Variants in SNTG1 observed in about 807,000 individuals in gnomAD.
The protein encoded by SNTG1 is syntrophin gamma 1.
Under a neutral mutation model 74.7 loss-of-function variants are expected in SNTG1, and 39 were observed. The ratio of observed to expected loss-of-function variants is 0.52; its 90% CI spans 0.40 to 0.68. The LOEUF (loss-of-function observed/expected upper bound fraction) is 0.68, where lower values mean the gene tolerates loss of function less well. SNTG1 is among the 30% of genes least tolerant of loss of function. The probability of loss-of-function intolerance (pLI) is 0.00; values close to 1 mark genes in which losing one functional copy is unlikely to be tolerated. For synonymous variants in SNTG1, 254 were observed against 217.1 expected, an observed-to-expected ratio of 1.17 and a Z score of -1.49; for missense variants, 685 against 609.5, an observed-to-expected ratio of 1.12 and a Z score of -1.30.
At chr8:50,366,804 A>C in intron 2 of SNTG1, among the ~76,000 whole-genome samples, 1 of 145,950 alleles carries the variant, frequency 6.9e-6, no homozygotes, top group Non-Finnish European at 1.5e-5. Context: ...TACTATAATA[A>C]AATATATTAT....
chr8:50,154,436 C>A (rs957273194), intron 1 of SNTG1, among the ~76,000 whole-genome samples: 1 of 152,062 alleles, frequency 6.6e-6, no homozygotes, highest in African/African-American at 2.4e-5. Flanking sequence ...CATCCACTGT[C>A]CTACCCCCAC....
At chr8:50,487,807 G>T (rs2093811999) in intron 8 of SNTG1, among the ~76,000 whole-genome samples, 1 of 150,704 alleles carries the variant, frequency 6.6e-6, no homozygotes, top group Non-Finnish European at 1.5e-5. Flanking sequence ...TGCACAATGT[G>T]CACATGTACC....
intron 10 of SNTG1, among the ~76,000 whole-genome samples, chr8:50,533,919 T>C (rs1436976729): frequency 5.9e-5 from 9 of 152,196 alleles, no homozygotes; most frequent in Non-Finnish European, 1.2e-4. Flanking sequence ...TATTGGTGAT[T>C]AGTCAGTCCT....
At chr8:50,537,426 G>A (rs2094315743) in intron 11 of SNTG1, among the ~76,000 whole-genome samples, 1 of 152,104 alleles carries the variant, frequency 6.6e-6, no homozygotes, top group Admixed American at 6.6e-5. Flanking sequence ...TTTATTTTCT[G>A]CTTTTAATAT....
At chr8:49,992,652 T>C (rs535715459) in intron 1 of SNTG1, among the ~76,000 whole-genome samples, 3 of 152,294 alleles carry the variant, frequency 2.0e-5, no homozygotes, top group South Asian at 4.1e-4. Flanking sequence ...CCTTTCATGA[T>C]AGTGCCTACC....
intron 11 of SNTG1, among the ~76,000 whole-genome samples, chr8:50,547,554 C>T (rs1224264864): frequency 6.6e-6 from 1 of 152,042 alleles, no homozygotes; most frequent in Non-Finnish European, 1.5e-5. Context: ...TTCATTTCTC[C>T]AGTTTATTAT....
At chr8:50,491,759 G>T (rs890455135) in intron 8 of SNTG1, among the ~76,000 whole-genome samples, 1 of 152,022 alleles carries the variant, frequency 6.6e-6, no homozygotes, top group Non-Finnish European at 1.5e-5. Flanking sequence ...TGGGGTACAT[G>T]TGTGGAAAGT....
At chr8:50,291,622 T>C (rs1043588394) in intron 2 of SNTG1, among the ~76,000 whole-genome samples, 3 of 152,046 alleles carry the variant, frequency 2.0e-5, no homozygotes, top group Non-Finnish European at 2.9e-5. Context: ...GTTTGTATGA[T>C]AGAGAATCAA....
chr8:50,382,031 G>A (rs936084346), intron 2 of SNTG1: 5 of 151,284 alleles, frequency 3.3e-5, no homozygotes, highest in East Asian at 2.0e-4. Flanking sequence ...AGGCTAGGCC[G>A]GCCTCGTCTT....
intron 17 of SNTG1, among the ~76,000 whole-genome samples, chr8:50,711,400 T>C (rs2095461314): frequency 1.3e-5 from 2 of 152,096 alleles, no homozygotes; most frequent in South Asian, 4.1e-4. Context: ...GTCCTCCAAC[T>C]TTGAAGTTAC....
chr8:50,627,504 C>T (rs1052762869), intron 13 of SNTG1, among the ~76,000 whole-genome samples: 3 of 152,050 alleles, frequency 2.0e-5, no homozygotes, highest in Admixed American at 6.6e-5. Context: ...AACTTTCCAG[C>T]CTTTAGAACT....
chr8:50,019,040 G>T (rs762740304), intron 1 of SNTG1, among the ~76,000 whole-genome samples: 1 of 152,036 alleles, frequency 6.6e-6, no homozygotes, highest in Non-Finnish European at 1.5e-5. Flanking sequence ...ACTAGAAGTT[G>T]ACAAAGCTGG....
intron 9 of SNTG1, among the ~76,000 whole-genome samples, chr8:50,520,119 G>T (rs2094167206): frequency 6.6e-6 from 1 of 152,072 alleles, no homozygotes; most frequent in Non-Finnish European, 1.5e-5. Flanking sequence ...CAGAACTGAG[G>T]CCTTAGAAAT....
intron 1 of SNTG1, among the ~76,000 whole-genome samples, chr8:50,039,084 G>A (rs1818400776): frequency 6.6e-6 from 1 of 152,122 alleles, no homozygotes; most frequent in Non-Finnish European, 1.5e-5. Context: ...GCTTAAGATG[G>A]CCATAGTAGG....
chr8:50,601,113 G>A (rs753714496), intron 13 of SNTG1, among the ~76,000 whole-genome samples: 22 of 117,106 alleles, frequency 1.9e-4, no homozygotes, highest in East Asian at 6.0e-4. Context: ...AGCCGAGATC[G>A]CGTCACTTCA....
In SNTG1 at chr8:50,287,945, C is replaced by A. The variant is rs565857936; in HGVS notation, c.-27-106267C>A. Reference sequence around the variant, plus strand: ...CATATTGTGTTTTCCAGGCTCATTGCAAACGTCATCTCTATGAAGCAATTC... The same window carrying A: ...CATATTGTGTTTTCCAGGCTCATTGAAAACGTCATCTCTATGAAGCAATTC... On this transcript the variant is annotated intron_variant, in intron 2 of 18. Transcript: ENST00000642720. Among the ~76,000 whole-genome samples, 13 of 152,182 alleles carry A rather than the reference C, an allele frequency of 8.5e-5. 1 individual carries two copies. Among genetic ancestry groups the A allele is most frequent in the South Asian group, 2.1e-4 (1 of 4,838 alleles).
chr8:50,691,295 T>C (rs1367576621), intron 15 of SNTG1, among the ~76,000 whole-genome samples: 2 of 152,182 alleles, frequency 1.3e-5, no homozygotes, highest in Non-Finnish European at 2.9e-5. Context: ...GTCATTATGA[T>C]GTTAGCTGGT....
rs575092198 is a variant in SNTG1 at position 50,656,018 on chromosome 8, TA to T, written c.850-890del. ...ACTCTACTTGCGACACATTCATTAA[TA>T]TCCTATTGATGATAGAAGGTCTCAT... On this transcript the variant is annotated intron_variant, in intron 13 of 18. Coordinates refer to ENST00000642720, the MANE Select transcript of SNTG1 (RefSeq NM_018967.5). Among the ~76,000 whole-genome samples, 441 of 152,166 alleles carry T rather than the reference TA, an allele frequency of 2.9e-3. 2 individuals carry two copies. The highest frequency in any genetic ancestry group is 4.9e-3 in the Non-Finnish European group (334 of 68,010).
chr8:50,350,894 A>C (rs1006126337), intron 2 of SNTG1, among the ~76,000 whole-genome samples: 1 of 152,216 alleles, frequency 6.6e-6, no homozygotes, highest in African/African-American at 2.4e-5. Flanking sequence ...AGATAAGAGA[A>C]TGAAAGCAGG....
Sources: gnomAD v4.1 joint callset for allele counts (sites outside exome capture counted in the v4.1 genomes callset) on GRCh38, gnomAD v4.1.1 for gene constraint, MANE v1.5 for transcripts, NCBI Gene and HGNC (gene_info 2026-07-23, HGNC 2026-07-21) for gene names.